DISC1: variants seen among roughly 807,000 people sequenced by gnomAD.
The protein encoded by DISC1 is DISC1 scaffold protein.
Under a neutral mutation model 84.5 loss-of-function variants are expected in DISC1, and 57 were observed. The ratio of observed to expected loss-of-function variants is 0.67; its 90% CI spans 0.55 to 0.84. DISC1 has a LOEUF of 0.84. Among genes scored for constraint, DISC1 ranks in the 40% least tolerant of loss-of-function variants. The probability of loss-of-function intolerance (pLI) is 0.00; values close to 1 mark genes in which losing one functional copy is unlikely to be tolerated. For synonymous variants in DISC1, 411 were observed against 415.2 expected, an observed-to-expected ratio of 0.99 and a Z score of 0.12; for missense variants, 1,000 against 1,057.8, an observed-to-expected ratio of 0.95 and a Z score of 0.76.
chr1:231,870,080 T>G (rs759173604), intron 9 of DISC1, among the ~76,000 whole-genome samples: 4 of 152,060 alleles, frequency 2.6e-5, no homozygotes, highest in Non-Finnish European at 4.4e-5. Flanking sequence ...AGGTCAGTTC[T>G]TAGGGTGGGG....
chr1:231,748,729 A>C (rs551394857), intron 3 of DISC1, among the ~76,000 whole-genome samples: 15 of 152,322 alleles, frequency 9.8e-5, no homozygotes, highest in African/African-American at 2.6e-4. Flanking sequence ...TTGGTGTCAG[A>C]GTAATGTTAA....
At chr1:232,005,142 A>G (rs1667263819) in intron 10 of DISC1, among the ~76,000 whole-genome samples, 1 of 82,602 alleles carries the variant, frequency 1.2e-5, no homozygotes. Flanking sequence ...TTGTTATTTT[A>G]TATTGGCATA....
At chr1:231,869,656 T>A (rs962878436) in intron 9 of DISC1, among the ~76,000 whole-genome samples, 5 of 151,322 alleles carry the variant, frequency 3.3e-5, no homozygotes, top group African/African-American at 7.3e-5. Context: ...ACTAATAGAG[T>A]GAGAATTCAT....
rs369664976 is a variant in DISC1, at chr1:231,746,350, GT to G, written c.1118-3574del. Among the ~76,000 whole-genome samples the G allele has an allele frequency of 2.6e-5, 4 of 152,250 alleles. No individual in the cohort carries two copies. In the East Asian group the frequency reaches 7.7e-4, roughly 29 times the overall value. ...CCACATTTGCTTTATCCATTCATCT[GT>G]TGTTGGACACTTAGATTGATTCCAT... On this transcript the variant is annotated intron_variant, in intron 3 of 12. Coordinates refer to ENST00000439617, the MANE Select transcript of DISC1 (RefSeq NM_018662.3).
At chr1:231,965,400 C>T (rs2102789009) in intron 10 of DISC1, among the ~76,000 whole-genome samples, 1 of 152,250 alleles carries the variant, frequency 6.6e-6, no homozygotes. Context: ...AGGAGGGTGA[C>T]TGCGGTCAGT....
intron 1 of DISC1, among the ~76,000 whole-genome samples, chr1:231,678,001 C>T (rs1055429439): frequency 2.0e-5 from 3 of 151,696 alleles, no homozygotes; most frequent in African/African-American, 7.3e-5. Flanking sequence ...CAAAAAACAA[C>T]ACTTTGATTT....
chr1:231,798,700 T>A (rs1327251922), intron 7 of DISC1, among the ~76,000 whole-genome samples: 1 of 152,106 alleles, frequency 6.6e-6, no homozygotes, highest in Non-Finnish European at 1.5e-5. Context: ...ATTAATTACT[T>A]TGGACATGCG....
intron 8 of DISC1, among the ~76,000 whole-genome samples, chr1:231,805,159 T>C (rs1158670356): frequency 1.3e-5 from 2 of 152,162 alleles, no homozygotes; most frequent in Admixed American, 6.5e-5. Context: ...ACCTTAAGTG[T>C]GTTTTAGTCA....
rs1200318602 is a variant in DISC1 at position 232,040,915 on chromosome 1, T to C, written c.*4084T>C. On this transcript the variant is annotated 3_prime_UTR_variant, in exon 13 of 13. Transcript: ENST00000439617. Reference sequence around the variant, plus strand: ...GACTTTCTTGAAGATCCTCATCCAATTGGTGTTTTTCAGAAGTGTTCCAAT... The same window carrying C: ...GACTTTCTTGAAGATCCTCATCCAACTGGTGTTTTTCAGAAGTGTTCCAAT... The C allele has an allele frequency of 6.6e-6, 1 of 152,214 alleles. No homozygotes were observed. The highest frequency in any genetic ancestry group is 2.4e-5 in the African/African-American group (1 of 41,448). 9.4% of individuals were successfully genotyped at this position (152,214 alleles called of 1,614,324 possible).
intron 9 of DISC1, among the ~76,000 whole-genome samples, chr1:231,838,587 G>T (rs1416260379): frequency 6.6e-6 from 1 of 152,012 alleles, no homozygotes; most frequent in Non-Finnish European, 1.5e-5. Flanking sequence ...TTGCCCTTTG[G>T]CCTAAAGCTG....
intron 3 of DISC1, among the ~76,000 whole-genome samples, chr1:231,747,643 C>T (rs1251242717): frequency 6.6e-6 from 1 of 152,084 alleles, no homozygotes; most frequent in Non-Finnish European, 1.5e-5. Context: ...ATGCCAGTAC[C>T]ATGTTGTTTT....
At chr1:231,635,753 A>G (rs2059135759) in intron 1 of DISC1, among the ~76,000 whole-genome samples, 1 of 152,220 alleles carries the variant, frequency 6.6e-6, no homozygotes, top group South Asian at 2.1e-4. Context: ...ATTTATTGAG[A>G]TGCATACACT....
intron 9 of DISC1, chr1:231,855,071 G>C: frequency 1.0e-6 from 1 of 991,950 alleles, no homozygotes; most frequent in Non-Finnish European, 1.2e-6. Context: ...GAAATTCTAG[G>C]TAAGGAAAGA....
chr1:231,784,892 TCAGATAAC>T (rs2077713397), intron 6 of DISC1, among the ~76,000 whole-genome samples: 1 of 152,332 alleles, frequency 6.6e-6, no homozygotes, highest in South Asian at 2.1e-4. Flanking sequence ...AGTAAAGGTC[TCAGATAAC>T]CAGCTTGAGT....
chr1:231,697,585 G>A lies in DISC1; in HGVS notation c.1047+2780G>A, dbSNP rs567468235. Reference sequence around the variant, plus strand: ...CTCCCTAGTGGCTGGGACTACAGGCGCATGCCACCATGCCTGGCTAATTTT... The same window carrying A: ...CTCCCTAGTGGCTGGGACTACAGGCACATGCCACCATGCCTGGCTAATTTT... On this transcript the variant is annotated intron_variant, in intron 2 of 12. Transcript: ENST00000439617. 1.9e-4 allele frequency among the ~76,000 whole-genome samples: 28 copies of A among 150,650 alleles called. No individual in the cohort carries two copies. The East Asian group carries it at 3.7e-3, about 20-fold the overall frequency.
intron 6 of DISC1, among the ~76,000 whole-genome samples, chr1:231,780,120 G>T (rs1213068681): frequency 2.6e-5 from 4 of 151,876 alleles, no homozygotes; most frequent in Non-Finnish European, 4.4e-5. Flanking sequence ...ATAGCATTGG[G>T]AGATATACCT....
intron 9 of DISC1, among the ~76,000 whole-genome samples, chr1:231,908,041 ATTTG>A (rs1262566364): frequency 6.6e-6 from 1 of 152,058 alleles, no homozygotes; most frequent in Non-Finnish European, 1.5e-5. Flanking sequence ...TTTCTTGTAA[ATTTG>A]TTTAAGTTCT....
chr1:231,643,555 G>C (rs1172628957), intron 1 of DISC1, among the ~76,000 whole-genome samples: 1 of 152,154 alleles, frequency 6.6e-6, no homozygotes, highest in Admixed American at 6.5e-5. Context: ...CAGATGTGTA[G>C]AGTTTCAAGT....
rs78591239 is a variant in DISC1 at position 232,037,604 on chromosome 1, T to A, written c.*773T>A. 0.033 allele frequency: 5,033 copies of A among 152,360 alleles called. 151 individuals carry two copies. The highest frequency in any genetic ancestry group is 0.16 in the East Asian group (813 of 5,180). The allele number at this position is 152,360 out of a possible 1,614,324, so 9.4% of individuals were successfully genotyped here. ...GCCTGTTCCATTTTCCCGTGGAACCTGTTTCACTCAATGCCAGGCAGTGCA... is the reference window on the plus strand; with the variant it reads ...GCCTGTTCCATTTTCCCGTGGAACCAGTTTCACTCAATGCCAGGCAGTGCA... On this transcript the variant is annotated 3_prime_UTR_variant, in exon 13 of 13. Coordinates refer to ENST00000439617, the MANE Select transcript of DISC1 (RefSeq NM_018662.3).
Sources: allele counts gnomAD v4.1 joint callset (sites outside exome capture counted in the v4.1 genomes callset), GRCh38; gene constraint gnomAD v4.1.1; transcripts MANE v1.5; gene names NCBI Gene and HGNC (gene_info 2026-07-23, HGNC 2026-07-21).